RBFOX1: variants seen among roughly 807,000 people sequenced by gnomAD.
RBFOX1 encodes RNA binding fox-1 homolog 1.
RBFOX1 carries 8 observed loss-of-function variants against 57.7 expected under a neutral mutation model. That is an observed-to-expected ratio of 0.14 (90% CI 0.08 to 0.25). RBFOX1 has a LOEUF of 0.25. RBFOX1 is among the 10% of genes least tolerant of loss of function. The pLI is 1.00. For missense variants in RBFOX1, 611 were observed against 548.5 expected (o/e 1.11, Z -1.14); for synonymous variants, 326 against 222.4 (o/e 1.47, Z -4.15).
intron 4 of RBFOX1, among the ~76,000 whole-genome samples, chr16:7,283,091 CT>C (rs2095579659): frequency 6.6e-6 from 1 of 152,034 alleles, no homozygotes; most frequent in South Asian, 2.1e-4. Flanking sequence ...TGTATAACGA[CT>C]TTTTTTCCTC....
intron 2 of RBFOX1, among the ~76,000 whole-genome samples, chr16:6,581,580 G>A (rs553387698): frequency 9.9e-5 from 15 of 152,260 alleles, no homozygotes; most frequent in African/African-American, 3.6e-4. Context: ...GGCAGAAGGC[G>A]GATATCGATC....
chr16:6,485,592 C>T (rs770952183), intron 2 of RBFOX1, among the ~76,000 whole-genome samples: 5 of 152,158 alleles, frequency 3.3e-5, no homozygotes, highest in Admixed American at 6.5e-5. Flanking sequence ...TATTTAGTAT[C>T]AGGCAATTCC....
chr16:7,057,240 G>T (rs2052617616), intron 4 of RBFOX1, among the ~76,000 whole-genome samples: 1 of 152,290 alleles, frequency 6.6e-6, no homozygotes, highest in African/African-American at 2.4e-5. Context: ...GTATTTAGGA[G>T]ATAACTCCCT....
chr16:7,385,415 AG>A (rs2097858907), intron 4 of RBFOX1, among the ~76,000 whole-genome samples: 1 of 152,102 alleles, frequency 6.6e-6, no homozygotes, highest in Non-Finnish European at 1.5e-5. Flanking sequence ...AACCCAGTGG[AG>A]GTGAAGGGAG....
intron 4 of RBFOX1, among the ~76,000 whole-genome samples, chr16:7,136,695 G>T (rs2072096167): frequency 6.6e-6 from 1 of 152,106 alleles, no homozygotes; most frequent in South Asian, 2.1e-4. Flanking sequence ...GGGATTACGG[G>T]TGTGAGTCAC....
At chr16:6,288,939 A>T (rs1269914879) in intron 1 of RBFOX1, among the ~76,000 whole-genome samples, 6 of 152,078 alleles carry the variant, frequency 3.9e-5, no homozygotes, top group Non-Finnish European at 8.8e-5. Context: ...AGATGCTGTC[A>T]CCCCCAGGAG....
intron 4 of RBFOX1, among the ~76,000 whole-genome samples, chr16:7,073,818 C>G (rs566128197): frequency 6.6e-6 from 1 of 152,176 alleles, no homozygotes; most frequent in Admixed American, 6.5e-5. Flanking sequence ...GATTTCATGA[C>G]TGCACTCCAG....
At chr16:7,236,858 G>T in intron 4 of RBFOX1, among the ~76,000 whole-genome samples, 1 of 152,126 alleles carries the variant, frequency 6.6e-6, no homozygotes, top group Admixed American at 6.5e-5. Flanking sequence ...CTGGAAGCAC[G>T]CAGGATTTAG....
chr16:7,396,079 G>A (rs1280126937), intron 4 of RBFOX1, among the ~76,000 whole-genome samples: 2 of 152,118 alleles, frequency 1.3e-5, no homozygotes, highest in South Asian at 2.1e-4. Flanking sequence ...ATTCCCCAGG[G>A]TGCTCTCAGC....
At chr16:7,161,984 C>T (rs1435388443) in intron 4 of RBFOX1, among the ~76,000 whole-genome samples, 1 of 152,168 alleles carries the variant, frequency 6.6e-6, no homozygotes, top group Non-Finnish European at 1.5e-5. Flanking sequence ...CATATTTGTT[C>T]CCAGAACACA....
intron 11 of RBFOX1, among the ~76,000 whole-genome samples, chr16:7,653,361 G>C (rs1178461906): frequency 1.3e-5 from 2 of 152,084 alleles, no homozygotes; most frequent in Non-Finnish European, 2.9e-5. Context: ...AATTAGCCAG[G>C]TGTGGTAGCA....
intron 4 of RBFOX1, among the ~76,000 whole-genome samples, chr16:7,167,812 C>A (rs955772790): frequency 1.3e-5 from 2 of 152,012 alleles, no homozygotes; most frequent in African/African-American, 4.8e-5. Flanking sequence ...TGAATAACTG[C>A]GACAAAAACC....
intron 4 of RBFOX1, among the ~76,000 whole-genome samples, chr16:7,070,994 G>C (rs1055507288): frequency 2.0e-5 from 3 of 152,160 alleles, no homozygotes; most frequent in African/African-American, 7.2e-5. Flanking sequence ...ATGTTGTCAA[G>C]TTGTCCTCAA....
At chr16:6,903,633 GA>G (rs2069026803) in intron 3 of RBFOX1, among the ~76,000 whole-genome samples, 2 of 152,230 alleles carry the variant, frequency 1.3e-5, no homozygotes, top group Middle Eastern at 3.4e-3. Context: ...TGCTCCTGGG[GA>G]CTGTCCTTTG....
chr16:7,100,774 A>G (rs2062556329), intron 4 of RBFOX1, among the ~76,000 whole-genome samples: 1 of 152,136 alleles, frequency 6.6e-6, no homozygotes. Context: ...TAAATATAGG[A>G]CACTGTGTTC....
intron 4 of RBFOX1, among the ~76,000 whole-genome samples, chr16:5,989,772 C>G (rs1315354115): frequency 6.6e-6 from 1 of 151,192 alleles, no homozygotes; most frequent in Non-Finnish European, 1.5e-5. Flanking sequence ...TGATCCTGGG[C>G]TAAGTCATCC....
At chr16:7,666,650 G>A (rs902147484) in intron 13 of RBFOX1, among the ~76,000 whole-genome samples, 8 of 152,172 alleles carry the variant, frequency 5.3e-5, no homozygotes, top group Non-Finnish European at 1.0e-4. Flanking sequence ...AAGTGAGTGC[G>A]AGTGTGTGTC....
intron 4 of RBFOX1, among the ~76,000 whole-genome samples, chr16:7,425,116 T>C (rs1411691840): frequency 2.6e-5 from 4 of 152,196 alleles, no homozygotes; most frequent in East Asian, 3.9e-4. Flanking sequence ...GAAAGGCTTA[T>C]ACTGTTGGGA....
chr16:6,342,140 G>A (rs1343739558), intron 2 of RBFOX1, among the ~76,000 whole-genome samples: 5 of 152,120 alleles, frequency 3.3e-5, no homozygotes, highest in South Asian at 2.1e-4. Context: ...GCTTTGAAGG[G>A]GAGTGATGGT....
Sources: allele counts gnomAD v4.1 joint callset (sites outside exome capture counted in the v4.1 genomes callset), GRCh38; gene constraint gnomAD v4.1.1; transcripts MANE v1.5; gene names NCBI Gene and HGNC (gene_info 2026-07-23, HGNC 2026-07-21).